KDM1B: variants seen among roughly 807,000 people sequenced by gnomAD.
KDM1B encodes lysine demethylase 1B, also known as lysine-specific histone demethylase 2.
A neutral mutation model predicts 107.4 loss-of-function variants in KDM1B; 63 were observed. The observed-to-expected ratio is 0.59, with a 90% CI of 0.48 to 0.72. The LOEUF (loss-of-function observed/expected upper bound fraction) is 0.72. Among genes scored for constraint, KDM1B ranks in the 30% least tolerant of loss-of-function variants. The pLI is 0.00. For missense variants in KDM1B, 749 were observed against 1,020.8 expected (o/e 0.73, Z 3.63); for synonymous variants, 363 against 363.9 (o/e 1.00, Z 0.03).
Position 18,186,208 on chromosome 6 carries a change from T to G in KDM1B, c.573+398T>G, listed in dbSNP as rs558700625. 1.3e-5 allele frequency among the ~76,000 whole-genome samples: 2 copies of G among 151,886 alleles called. No homozygotes were observed. The highest frequency in any genetic ancestry group is 3.9e-4 in the East Asian group (2 of 5,140). ...CTTGGCCTGGATTCAGCTGCAGGAGTGTTCTTATGCATTCTGACCTCAGCA... is the reference window on the plus strand; with the variant it reads ...CTTGGCCTGGATTCAGCTGCAGGAGGGTTCTTATGCATTCTGACCTCAGCA... On this transcript the variant is annotated intron_variant, in intron 8 of 21. Coordinates refer to ENST00000650836, the MANE Select transcript of KDM1B (RefSeq NM_001364614.2). This position sits in a 1 kb window ranked among gnomAD's most constrained non-coding sequence, Gnocchi z 5.6.
rs1256986494 is a variant in KDM1B, at chr6:18,155,614, C to A, written c.-58+43C>A. ...CCGGGGGCGTGCGTGGGGGCCGTGGCGGATTTCGGGTGACAGCGTTGCACA... is the reference window on the plus strand; with the variant it reads ...CCGGGGGCGTGCGTGGGGGCCGTGGAGGATTTCGGGTGACAGCGTTGCACA... On this transcript the variant is annotated intron_variant, in intron 1 of 21. Coordinates refer to ENST00000650836, the MANE Select transcript of KDM1B (RefSeq NM_001364614.2). The surrounding 1 kb of genome is among the most constrained non-coding windows in gnomAD (Gnocchi z 6.2). The A allele has an allele frequency of 6.6e-6, 1 of 152,560 alleles. No homozygotes were observed. Among genetic ancestry groups the A allele is most frequent in the Non-Finnish European group, 1.5e-5 (1 of 68,236 alleles). The allele number at this position is 152,560 out of a possible 1,614,324, so 9.5% of individuals were successfully genotyped here.
At chr6:18,179,889 G>GGTCTCA (rs1786334637) in intron 7 of KDM1B, among the ~76,000 whole-genome samples, 1 of 129,200 alleles carries the variant, frequency 7.7e-6, no homozygotes, top group Non-Finnish European at 1.6e-5. Flanking sequence ...CATAAGGCAG[G>GGTCTCA]GTCTCACTCT....
intron 4 of KDM1B, 98 bp downstream of exon 4, chr6:18,161,552 A>G: frequency 7.9e-7 from 1 of 1,259,636 alleles, no homozygotes; most frequent in Admixed American, 2.1e-5. Flanking sequence ...AGATAGATAC[A>G]GATACTATAA....
rs759451852 is a variant in KDM1B at position 18,159,902 on chromosome 6, A to G, written c.7A>G (p.Thr3Ala). MA[T>A]PRGRTKKKAS... ...TTGCAGATTATTTAATGTAATGGCA[A>G]CTCCACGGGGGAGGACAAAGAAAAA... The change falls in exon 3 of 22, where the codon ACT (threonine) becomes GCT (alanine). Residue 3 changes from threonine to alanine, a missense_variant. Coordinates refer to ENST00000650836, the MANE Select transcript of KDM1B (RefSeq NM_001364614.2). The surrounding 1 kb of genome is among the most constrained non-coding windows in gnomAD (Gnocchi z 4.5). 10 of 1,601,980 alleles carry G rather than the reference A, an allele frequency of 6.2e-6. No homozygotes were observed. The South Asian group carries it at 1.1e-4, about 18-fold the overall frequency.
At chr6:18,176,417 T>C (rs1220355791) in intron 7 of KDM1B, among the ~76,000 whole-genome samples, 1 of 152,176 alleles carries the variant, frequency 6.6e-6, no homozygotes, top group Non-Finnish European at 1.5e-5. Flanking sequence ...CAGTTTGACT[T>C]CCTCTTTACC....
At position 18,205,750 on chromosome 6, in the gene KDM1B, T is replaced by C; in HGVS notation, c.1659+86T>C. On this transcript the variant is annotated intron_variant, in intron 15 of 21. Transcript: ENST00000650836. This position sits in a 1 kb window ranked among gnomAD's most constrained non-coding sequence, Gnocchi z 5.7. Reference sequence around the variant, plus strand: ...GGCTCACGCCTGTAATCCCAGCACTTTGGGAGGCCGAGGTGGGCAGATCAT... The same window carrying C: ...GGCTCACGCCTGTAATCCCAGCACTCTGGGAGGCCGAGGTGGGCAGATCAT... 7.7e-7 allele frequency: 1 copy of C among 1,292,152 alleles called. No individual in the cohort carries two copies. Among genetic ancestry groups the C allele is most frequent in the Non-Finnish European group, 1.0e-6 (1 of 993,054 alleles). The allele number at this position is 1,292,152 out of a possible 1,614,324, so 80.0% of individuals were successfully genotyped here.
Position 18,213,896 on chromosome 6 carries a change from C to A in KDM1B, c.2109+115C>A. 8.6e-7 allele frequency: 1 copy of A among 1,157,674 alleles called. No individual in the cohort carries two copies. The highest frequency in any genetic ancestry group is 1.3e-6 in the Non-Finnish European group (1 of 794,632). 71.7% of individuals were successfully genotyped at this position (1,157,674 alleles called of 1,614,324 possible). A position where few individuals can be genotyped will look rare whatever the true frequency, so the allele number is the denominator to read the frequency against. ...AACGAACATCATGGAGACCCTGGGTCTATGTTTATATTCTGGGAGGACACT... is the reference window on the plus strand; with the variant it reads ...AACGAACATCATGGAGACCCTGGGTATATGTTTATATTCTGGGAGGACACT... On this transcript the variant is annotated intron_variant, in intron 19 of 21. Transcript: ENST00000650836. The surrounding 1 kb of genome is among the most constrained non-coding windows in gnomAD (Gnocchi z 5.9).
chr6:18,196,587 A>G (rs894562424), intron 10 of KDM1B, among the ~76,000 whole-genome samples: 2 of 152,114 alleles, frequency 1.3e-5, no homozygotes, highest in South Asian at 4.1e-4. Context: ...GGAGTTTTTC[A>G]TATATACTTG....
intron 7 of KDM1B, among the ~76,000 whole-genome samples, chr6:18,173,433 T>C (rs1785792233): frequency 6.6e-6 from 1 of 152,164 alleles, no homozygotes; most frequent in African/African-American, 2.4e-5. Context: ...TTTTGAATAT[T>C]TTTTCCCCCC....
chr6:18,176,982 G>T (rs151059491), intron 7 of KDM1B, among the ~76,000 whole-genome samples: 3 of 152,148 alleles, frequency 2.0e-5, no homozygotes, highest in African/African-American at 7.2e-5. Flanking sequence ...GGTGATGCTG[G>T]CTTCATAAAA....
At chr6:18,219,064 G>A (rs12200177) in intron 21 of KDM1B, among the ~76,000 whole-genome samples, 10,110 of 151,944 alleles carry the variant, frequency 0.067, 397 homozygotes, top group Middle Eastern at 0.13. Context: ...CACCACGCCC[G>A]ACTAATTTTT....
At chr6:18,160,224 C>A (rs1260614896) in intron 3 of KDM1B, among the ~76,000 whole-genome samples, 2 of 152,154 alleles carry the variant, frequency 1.3e-5, no homozygotes, top group African/African-American at 4.8e-5. Context: ...ATAGGATGTT[C>A]AGAGATTCAC....
intron 5 of KDM1B, among the ~76,000 whole-genome samples, chr6:18,165,923 A>C (rs546720503): frequency 2.0e-5 from 3 of 152,320 alleles, no homozygotes; most frequent in African/African-American, 7.2e-5. Context: ...TGGGAGTTCG[A>C]GGTTGCAGCA....
chr6:18,223,353 C>A lies in KDM1B; in HGVS notation c.*1361C>A, dbSNP rs1458393455. ...CCCCCACCGCCCGCCCCCCGCCCCC[C>A]CCAATCAAAGTGTGGTCCCAAAACA... On this transcript the variant is annotated 3_prime_UTR_variant, in exon 22 of 22. Coordinates refer to ENST00000650836, the MANE Select transcript of KDM1B (RefSeq NM_001364614.2). 28 of 136,832 alleles carry A rather than the reference C, an allele frequency of 2.0e-4. No individual in the cohort carries two copies. The highest frequency in any genetic ancestry group is 3.6e-4 in the Non-Finnish European group (23 of 64,380). The allele number at this position is 136,832 out of a possible 1,614,324, so 8.5% of individuals were successfully genotyped here.
At chr6:18,210,361 T>G (rs867725266) in intron 17 of KDM1B, among the ~76,000 whole-genome samples, 5 of 100,502 alleles carry the variant, frequency 5.0e-5, no homozygotes, top group Admixed American at 1.3e-4. Context: ...TTTTTTTTTT[T>G]TTTTTTTTTT....
intron 20 of KDM1B, among the ~76,000 whole-genome samples, chr6:18,216,131 G>A (rs939169951): frequency 5.3e-5 from 8 of 152,158 alleles, no homozygotes; most frequent in African/African-American, 1.9e-4. Context: ...CCAGGCTGGA[G>A]TGCAGTGGCA....
intron 6 of KDM1B, among the ~76,000 whole-genome samples, chr6:18,169,230 A>G (rs190235123): frequency 1.5e-4 from 20 of 136,638 alleles, no homozygotes; most frequent in Admixed American, 3.1e-4. Context: ...TTATATATAT[A>G]TAAATTTTTT....
intron 17 of KDM1B, among the ~76,000 whole-genome samples, chr6:18,208,619 ATATATATATTTTTTTTTTTTTTTT>A (rs1160298724): frequency 2.7e-3 from 103 of 38,336 alleles, no homozygotes; most frequent in African/African-American, 9.2e-3. Context: ...ATATATATAT[ATATATATATTTTTTTTTTTTTTTT>A]TTTTTTTTTT....
rs1243098021 is a variant in KDM1B at position 18,212,614 on chromosome 6, A to G, written c.1983+10A>G. On this transcript the variant is annotated intron_variant, in intron 18 of 21. Transcript: ENST00000650836. The surrounding 1 kb of genome is among the most constrained non-coding windows in gnomAD (Gnocchi z 5.2). ...AGGCATCATTGAAAAGGTGACTGAA[A>G]TGACCTCATCCTCAGCAAGAAAGAG... The G allele has an allele frequency of 1.4e-5, 22 of 1,535,610 alleles. No homozygotes were observed. Among genetic ancestry groups the G allele is most frequent in the African/African-American group, 2.7e-5 (2 of 73,340 alleles).
Sources: allele counts gnomAD v4.1 joint callset (sites outside exome capture counted in the v4.1 genomes callset), GRCh38; gene constraint gnomAD v4.1.1; non-coding constraint Gnocchi (gnomAD v3.1); transcripts MANE v1.5; gene names NCBI Gene and HGNC (gene_info 2026-07-23, HGNC 2026-07-21).